Variants in RNF144B observed in about 807,000 individuals in gnomAD.
RNF144B encodes ring finger protein 144B.
Under a neutral mutation model 40.2 loss-of-function variants are expected in RNF144B, and 25 were observed. The ratio of observed to expected loss-of-function variants is 0.62; its 90% CI spans 0.45 to 0.87. The LOEUF (loss-of-function observed/expected upper bound fraction) is 0.87, where lower values mean the gene tolerates loss of function less well. Ranked by LOEUF, RNF144B falls within the 40% of genes least tolerant of loss-of-function variation. The pLI is 0.00. For missense variants in RNF144B, 365 were observed against 373.7 expected (o/e 0.98, Z 0.19); for synonymous variants, 145 against 136.3 (o/e 1.06, Z -0.44).
chr6:18,431,303 T>A (rs1292018229), intron 3 of RNF144B, among the ~76,000 whole-genome samples: 2 of 152,140 alleles, frequency 1.3e-5, no homozygotes, highest in Non-Finnish European at 2.9e-5. Context: ...GTGATAAAAA[T>A]ACGTGGTAGT....
intron 1 of RNF144B, among the ~76,000 whole-genome samples, chr6:18,393,784 T>C (rs1794635435): frequency 6.6e-6 from 1 of 152,194 alleles, no homozygotes; most frequent in South Asian, 2.1e-4. Flanking sequence ...CCTTTCTTCA[T>C]CACCACCCAC....
chr6:18,392,617 A>G (rs1225504219), intron 1 of RNF144B, among the ~76,000 whole-genome samples: 1 of 152,194 alleles, frequency 6.6e-6, no homozygotes, highest in African/African-American at 2.4e-5. Flanking sequence ...ATTATAGACT[A>G]AATAAAGTGC....
At chr6:18,388,686 C>G (rs1012720371) in intron 1 of RNF144B, among the ~76,000 whole-genome samples, 3 of 152,110 alleles carry the variant, frequency 2.0e-5, no homozygotes, top group Non-Finnish European at 4.4e-5. Flanking sequence ...CTAAAACTAT[C>G]CTGAGGGGGA....
intron 2 of RNF144B, among the ~76,000 whole-genome samples, chr6:18,424,312 AG>A (rs1243645785): frequency 1.3e-5 from 2 of 152,236 alleles, no homozygotes; most frequent in Admixed American, 6.5e-5. Flanking sequence ...AGCAATAACT[AG>A]GGCTGGTTGT....
Position 18,464,742 on chromosome 6 carries a change from C to T in RNF144B, c.772-185C>T, listed in dbSNP as rs1759539286. Among the ~76,000 whole-genome samples the T allele has an allele frequency of 6.6e-6, 1 of 152,192 alleles. No homozygotes were observed. The highest frequency in any genetic ancestry group is 6.5e-5 in the Admixed American group (1 of 15,280). On this transcript the variant is annotated intron_variant, in intron 7 of 7. Coordinates refer to ENST00000259939, the MANE Select transcript of RNF144B (RefSeq NM_182757.4). The surrounding 1 kb of genome is among the most constrained non-coding windows in gnomAD (Gnocchi z 6.1). ...AATCCCATCATGAGGGCCCTGCCCT[C>T]ATAAACCAACTAACTTCTAAAGGCC... is the stretch of plus-strand genomic sequence containing the variant.
In RNF144B at chr6:18,459,539, T is replaced by C; in HGVS notation, c.537-68T>C. On this transcript the variant is annotated intron_variant, in intron 5 of 7. Coordinates refer to ENST00000259939, the MANE Select transcript of RNF144B (RefSeq NM_182757.4). The surrounding 1 kb of genome is among the most constrained non-coding windows in gnomAD (Gnocchi z 4.2). ...TAACTGTGAGTTCATTATCTAACCA[T>C]CAGGAGCCCTGGGAATTCAACTGAT... 6.5e-7 allele frequency: 1 copy of C among 1,528,758 alleles called. No individual in the cohort carries two copies. The highest frequency in any genetic ancestry group is 9.0e-7 in the Non-Finnish European group (1 of 1,112,600). The allele number at this position is 1,528,758 out of a possible 1,614,324, so 94.7% of individuals were successfully genotyped here. A position where few individuals can be genotyped will look rare whatever the true frequency, so the allele number is the denominator to read the frequency against.
chr6:18,388,092 A>T (rs772236587), intron 1 of RNF144B, among the ~76,000 whole-genome samples: 1 of 152,304 alleles, frequency 6.6e-6, no homozygotes, highest in African/African-American at 2.4e-5. Context: ...TCTTTTGCTT[A>T]TTCTTTCTAA....
In RNF144B at chr6:18,395,943, G is replaced by T. The variant is rs1794685961; in HGVS notation, c.-36-3556G>T. ...ACTTTTTGAAGAATCATTTTGGATTGTTCACATCTCAAGGAGATGAAATAT... is the reference window on the plus strand; with the variant it reads ...ACTTTTTGAAGAATCATTTTGGATTTTTCACATCTCAAGGAGATGAAATAT... On this transcript the variant is annotated intron_variant, in intron 1 of 7. Transcript: ENST00000259939. The surrounding 1 kb of genome is among the most constrained non-coding windows in gnomAD (Gnocchi z 4.5). Among the ~76,000 whole-genome samples the T allele has an allele frequency of 6.6e-6, 1 of 152,126 alleles. No homozygotes were observed. Among genetic ancestry groups the T allele is most frequent in the South Asian group, 2.1e-4 (1 of 4,826 alleles).
At chr6:18,426,896 C>A (rs12191033) in intron 2 of RNF144B, among the ~76,000 whole-genome samples, 1 of 151,354 alleles carries the variant, frequency 6.6e-6, no homozygotes, top group Non-Finnish European at 1.5e-5. Context: ...TTTCTTCTTT[C>A]CCCAGGGGAC....
Position 18,422,951 on chromosome 6 carries a change from C to CA in RNF144B, c.166-4615dup, listed in dbSNP as rs58597328. Among the ~76,000 whole-genome samples the CA allele has an allele frequency of 0.16, 22,627 of 143,690 alleles. 1,789 individuals are homozygous for CA. Among genetic ancestry groups the CA allele is most frequent in the African/African-American group, 0.2 (7,933 of 38,914 alleles). 94.3% of individuals were successfully genotyped at this position (143,690 alleles called of 152,430 possible). A position where few individuals can be genotyped will look rare whatever the true frequency, so the allele number is the denominator to read the frequency against. On this transcript the variant is annotated intron_variant, in intron 2 of 7. Transcript: ENST00000259939. The surrounding 1 kb of genome is among the most constrained non-coding windows in gnomAD (Gnocchi z 4.7). ...TGGGCAACAGAGCAAGACCCAGTCT[C>CA]AAAAAAAAAAAAAAATCAACTAATG... is the stretch of plus-strand genomic sequence containing the variant.
Position 18,465,078 on chromosome 6 carries a change from G to GTTC in RNF144B, c.*12_*14dup. On this transcript the variant is annotated 3_prime_UTR_variant, in exon 8 of 8. Coordinates refer to ENST00000259939, the MANE Select transcript of RNF144B (RefSeq NM_182757.4). ...CCATCCACAACCTAAAGATCTCTGT[G>GTTC]TTCATACGCCCCAGATATGTGAGTT... 2 of 1,613,094 alleles carry GTTC rather than the reference G, an allele frequency of 1.2e-6. No homozygotes were observed. The highest frequency in any genetic ancestry group is 4.5e-5 in the East Asian group (2 of 44,776).
At chr6:18,417,587 A>G (rs1464648938) in intron 2 of RNF144B, among the ~76,000 whole-genome samples, 5 of 152,158 alleles carry the variant, frequency 3.3e-5, no homozygotes, top group East Asian at 1.9e-4. Context: ...ACAAAAATGG[A>G]CCATACACCT....
chr6:18,415,263 T>C (rs1795127565), intron 2 of RNF144B, among the ~76,000 whole-genome samples: 1 of 152,210 alleles, frequency 6.6e-6, no homozygotes, highest in Non-Finnish European at 1.5e-5. Context: ...TGTGTTGATA[T>C]AACAAAATAC....
chr6:18,408,192 T>C (rs2147218), intron 2 of RNF144B, among the ~76,000 whole-genome samples: 97,762 of 151,724 alleles, frequency 0.64, 31,761 homozygotes, highest in Non-Finnish European at 0.69. Flanking sequence ...ACCATGTTGG[T>C]CAGCCTGGTC....
At chr6:18,428,660 A>G (rs1380140985) in intron 3 of RNF144B, among the ~76,000 whole-genome samples, 1 of 152,148 alleles carries the variant, frequency 6.6e-6, no homozygotes, top group Admixed American at 6.5e-5. Flanking sequence ...TCAGTTGTTC[A>G]TTTAGCAAAC....
chr6:18,432,324 C>G (rs1028338058), intron 3 of RNF144B, among the ~76,000 whole-genome samples: 2 of 152,168 alleles, frequency 1.3e-5, no homozygotes, highest in African/African-American at 4.8e-5. Context: ...ACGGCAGCTT[C>G]CCTTTCAGTG....
intron 1 of RNF144B, chr6:18,396,928 C>A: frequency 2.0e-6 from 1 of 507,248 alleles, no homozygotes; most frequent in Non-Finnish European, 2.5e-6. Context: ...TTAATTTGCT[C>A]TTGGATGACA....
chr6:18,445,409 T>G lies in RNF144B; in HGVS notation c.331+5665T>G, dbSNP rs150382069. On this transcript the variant is annotated intron_variant, in intron 4 of 7. Coordinates refer to ENST00000259939, the MANE Select transcript of RNF144B (RefSeq NM_182757.4). ...CTCATGGCAGTTTTATTTCCCAGAA[T>G]GTTTCTGTTTCCCAGTAATAGTCAG... Among the ~76,000 whole-genome samples, 776 of 152,324 alleles carry G rather than the reference T, an allele frequency of 5.1e-3. 3 individuals are homozygous for G. Among genetic ancestry groups the G allele is most frequent in the Middle Eastern group, 0.017 (5 of 294 alleles).
rs564332839 is a variant in RNF144B, at chr6:18,464,373, C to A, written c.772-554C>A. ...GAGTTAGCATTTGGATGGTTTCCAT[C>A]CTTGATTTGGTCCTTTGTATCTCTC... On this transcript the variant is annotated intron_variant, in intron 7 of 7. Coordinates refer to ENST00000259939, the MANE Select transcript of RNF144B (RefSeq NM_182757.4). The surrounding 1 kb of genome is among the most constrained non-coding windows in gnomAD (Gnocchi z 6.1). Among the ~76,000 whole-genome samples, 4 of 152,244 alleles carry A rather than the reference C, an allele frequency of 2.6e-5. No homozygotes were observed. In the South Asian group the frequency reaches 8.3e-4, roughly 32 times the overall value.
Sources: allele counts gnomAD v4.1 joint callset (sites outside exome capture counted in the v4.1 genomes callset), GRCh38; gene constraint gnomAD v4.1.1; non-coding constraint Gnocchi (gnomAD v3.1); transcripts MANE v1.5; gene names NCBI Gene and HGNC (gene_info 2026-07-23, HGNC 2026-07-21).